MEGF11: variants seen among roughly 807,000 people sequenced by gnomAD.
MEGF11 encodes the protein multiple epidermal growth factor-like domains protein 11.
Under a neutral mutation model 146.6 loss-of-function variants are expected in MEGF11, and 126 were observed. The observed-to-expected ratio is 0.86, with a 90% confidence interval of 0.74 to 1.00. The LOEUF (loss-of-function observed/expected upper bound fraction) is 1.00. Among genes scored for constraint, MEGF11 ranks in the 50% least tolerant of loss-of-function variants. MEGF11 has a pLI of 0.00. For synonymous variants in MEGF11, 532 were observed against 583.4 expected, an observed-to-expected ratio of 0.91 and a Z score of 1.27; for missense variants, 1,509 against 1,521.2, an observed-to-expected ratio of 0.99 and a Z score of 0.13.
In MEGF11 at chr15:65,898,387, C is replaced by T. The variant is rs957525993; in HGVS notation, c.3263-293G>A. On this transcript the variant is annotated intron_variant, in intron 25 of 25. Transcript: ENST00000395614. ...GAGAAGGTAGAAGGTGATTTAGAGA[C>T]TTGTTGATGTCTCTGATTGCTTTCT... is the stretch of plus-strand genomic sequence containing the variant. 12 of 985,260 alleles carry T rather than the reference C, an allele frequency of 1.2e-5. No homozygotes were observed. The African/African-American group carries it at 1.9e-4, about 16-fold the overall frequency. The allele number at this position is 985,260 out of a possible 1,614,324, so 61.0% of individuals were successfully genotyped here.
At chr15:66,012,347 C>A (rs2082734550) in intron 5 of MEGF11, among the ~76,000 whole-genome samples, 2 of 152,206 alleles carry the variant, frequency 1.3e-5, no homozygotes, top group African/African-American at 4.8e-5. Flanking sequence ...AGGCCCAGGG[C>A]TCTCCGCTCC....
At chr15:66,056,131 T>G (rs2084665572) in intron 5 of MEGF11, among the ~76,000 whole-genome samples, 5 of 152,078 alleles carry the variant, frequency 3.3e-5, no homozygotes, top group African/African-American at 1.2e-4. Flanking sequence ...TTAACGAGGC[T>G]CCCAGGTGAC....
chr15:66,015,521 T>C lies in MEGF11; in HGVS notation c.395-33033A>G, dbSNP rs551550447. Among the ~76,000 whole-genome samples, 13 of 152,304 alleles carry C rather than the reference T, an allele frequency of 8.5e-5. 1 individual carries two copies. The highest frequency in any genetic ancestry group is 3.3e-4 in the Admixed American group (5 of 15,308). On this transcript the variant is annotated intron_variant, in intron 5 of 25. Transcript: ENST00000395614. Reference sequence around the variant, plus strand: ...AACAGTCCCTGGGTCAAGAAACTCATAATCTGGTGAAGAAAGTCATAAAAG... The same window carrying C: ...AACAGTCCCTGGGTCAAGAAACTCACAATCTGGTGAAGAAAGTCATAAAAG...
chr15:66,154,401 G>T (rs1232108918), intron 1 of MEGF11, among the ~76,000 whole-genome samples: 8 of 152,194 alleles, frequency 5.3e-5, no homozygotes, highest in Admixed American at 3.9e-4. Context: ...GAGCCAAGGG[G>T]CTGCGAAATT....
chr15:66,184,601 C>T (rs968537752), intron 1 of MEGF11, among the ~76,000 whole-genome samples: 1 of 150,288 alleles, frequency 6.7e-6, no homozygotes, highest in Admixed American at 6.6e-5. Context: ...CCTTAAAATC[C>T]TTCAAGATGG....
chr15:65,929,664 G>T, intron 12 of MEGF11, 56 bp downstream of exon 12: 2 of 1,516,510 alleles, frequency 1.3e-6, no homozygotes, highest in Non-Finnish European at 1.8e-6. Context: ...TAACACCAGG[G>T]AAAGGGCGTG....
chr15:66,080,842 G>A (rs1353064597), intron 5 of MEGF11, among the ~76,000 whole-genome samples: 1 of 152,252 alleles, frequency 6.6e-6, no homozygotes, highest in Admixed American at 6.5e-5. Context: ...GTCCCGGGGA[G>A]GCCCACAGGC....
chr15:66,205,940 GA>G (rs747711148), intron 1 of MEGF11, among the ~76,000 whole-genome samples: 5 of 152,180 alleles, frequency 3.3e-5, no homozygotes, highest in Non-Finnish European at 7.3e-5. Context: ...CAAATTGGAT[GA>G]AAAAGAACAA....
intron 16 of MEGF11, among the ~76,000 whole-genome samples, chr15:65,917,585 C>G (rs2079042881): frequency 6.6e-6 from 1 of 152,186 alleles, no homozygotes. Context: ...CCAGAGGGCA[C>G]TGCACCCTCC....
chr15:65,895,900 T>A lies in MEGF11; in HGVS notation c.*2034A>T, dbSNP rs2141117745. ...TCTAGCCATTCCACCTCTTGCTGAA[T>A]ACCTTTGCCCAGAGGATAGTTGACA... On this transcript the variant is annotated 3_prime_UTR_variant, in exon 26 of 26. Transcript: ENST00000395614. 1 of 152,334 alleles carries A rather than the reference T, an allele frequency of 6.6e-6. No individual in the cohort carries two copies. The highest frequency in any genetic ancestry group is 2.4e-5 in the African/African-American group (1 of 41,572). The allele number at this position is 152,334 out of a possible 1,614,324, so 9.4% of individuals were successfully genotyped here. A position where few individuals can be genotyped will look rare whatever the true frequency, so the allele number is the denominator to read the frequency against.
intron 5 of MEGF11, among the ~76,000 whole-genome samples, chr15:65,994,083 C>T (rs2082132238): frequency 6.6e-6 from 1 of 152,200 alleles, no homozygotes; most frequent in Non-Finnish European, 1.5e-5. Context: ...GACCTGGATC[C>T]TCACACAGGG....
At chr15:66,164,351 G>C (rs28742263) in intron 1 of MEGF11, among the ~76,000 whole-genome samples, 1 of 152,098 alleles carries the variant, frequency 6.6e-6, no homozygotes, top group Non-Finnish European at 1.5e-5. Context: ...ACACAACCTG[G>C]ATCGCTGCAC....
chr15:66,235,338 T>TA (rs2092065912), intron 1 of MEGF11, among the ~76,000 whole-genome samples: 2 of 151,970 alleles, frequency 1.3e-5, no homozygotes, highest in South Asian at 2.1e-4. Context: ...CTCATCTCTA[T>TA]AAAAAATTTT....
intron 1 of MEGF11, among the ~76,000 whole-genome samples, chr15:66,136,981 C>A (rs927739875): frequency 1.3e-5 from 2 of 152,064 alleles, no homozygotes; most frequent in South Asian, 4.2e-4. Flanking sequence ...TGCAGTGAGA[C>A]GTGAGCATCC....
intron 18 of MEGF11, 83 bp from the exon 19 acceptor site, chr15:65,915,681 G>T: frequency 4.6e-6 from 7 of 1,518,780 alleles, no homozygotes; most frequent in Non-Finnish European, 6.2e-6. Context: ...ATGGCAATAA[G>T]CCTGTTTTGC....
At chr15:66,060,748 G>A (rs1000204715) in intron 5 of MEGF11, among the ~76,000 whole-genome samples, 3 of 152,212 alleles carry the variant, frequency 2.0e-5, no homozygotes, top group Admixed American at 1.3e-4. Context: ...CCGTGTCCTC[G>A]CAGCACCTAC....
rs1400153736 is a variant in MEGF11, at chr15:65,898,130, G to T, written c.3263-36C>A. 5 of 1,581,536 alleles carry T rather than the reference G, an allele frequency of 3.2e-6. No individual in the cohort carries two copies. The East Asian group carries it at 9.1e-5, about 29-fold the overall frequency. On this transcript the variant is annotated intron_variant, in intron 25 of 25. Transcript: ENST00000395614. Reference sequence around the variant, plus strand: ...TAGTGAAAAATGAGTTCAGAGAACAGATTAGCTTTGGTTGCCTTGTTGGAG... The same window carrying T: ...TAGTGAAAAATGAGTTCAGAGAACATATTAGCTTTGGTTGCCTTGTTGGAG...
At chr15:65,969,597 C>CT (rs1298546688) in intron 8 of MEGF11, among the ~76,000 whole-genome samples, 1 of 152,202 alleles carries the variant, frequency 6.6e-6, no homozygotes, top group Non-Finnish European at 1.5e-5. Flanking sequence ...GGGGCTGATT[C>CT]TAGTGGGAGC....
chr15:65,993,330 C>A (rs1210799037), intron 5 of MEGF11, among the ~76,000 whole-genome samples: 1 of 152,186 alleles, frequency 6.6e-6, no homozygotes, highest in African/African-American at 2.4e-5. Flanking sequence ...AGAAAGCTAT[C>A]TGTCCTTAGC....
Sources: gnomAD v4.1 joint callset for allele counts (sites outside exome capture counted in the v4.1 genomes callset) on GRCh38, gnomAD v4.1.1 for gene constraint, MANE v1.5 for transcripts, NCBI Gene and HGNC (gene_info 2026-07-23, HGNC 2026-07-21) for gene names.